PMPCA: variants seen among roughly 807,000 people sequenced by gnomAD.
PMPCA encodes peptidase, mitochondrial processing subunit alpha.
A neutral mutation model predicts 59.3 loss-of-function variants in PMPCA; 47 were observed. That is an observed-to-expected ratio of 0.79 (90% CI 0.63 to 1.01). The LOEUF (loss-of-function observed/expected upper bound fraction) is 1.01, where lower values mean the gene tolerates loss of function less well. PMPCA is among the 50% of genes least tolerant of loss of function. The pLI, the probability that PMPCA is intolerant of heterozygous loss-of-function variation, is 0.00. For missense variants in PMPCA, 726 were observed against 704.5 expected (o/e 1.03, Z -0.34); for synonymous variants, 338 against 290.3 (o/e 1.16, Z -1.67).
At chr9:136,412,323 A>G in intron 2 of PMPCA, 124 bp downstream of exon 2, 2 of 846,374 alleles carry the variant, frequency 2.4e-6, no homozygotes, top group East Asian at 4.9e-5. Context: ...AAAGTGTACG[A>G]TTTCATAAAT....
Position 136,412,586 on chromosome 9 carries a change from G to T in PMPCA, c.354+17G>T, listed in dbSNP as rs574771726. On this transcript the variant is annotated intron_variant, in intron 3 of 12. Transcript: ENST00000371717. Reference sequence around the variant, plus strand: ...GCATTTTCGGTCAGTACCCAGTTTTGTAATTTTTTAGACTATACTTTTGAA... The same window carrying T: ...GCATTTTCGGTCAGTACCCAGTTTTTTAATTTTTTAGACTATACTTTTGAA... 1.4e-6 allele frequency: 2 copies of T among 1,385,952 alleles called. No individual in the cohort carries two copies. Among genetic ancestry groups the T allele is most frequent in the African/African-American group, 1.4e-5 (1 of 70,158 alleles). The allele number at this position is 1,385,952 out of a possible 1,614,324, so 85.9% of individuals were successfully genotyped here. A position where few individuals can be genotyped will look rare whatever the true frequency, so the allele number is the denominator to read the frequency against.
Position 136,419,123 on chromosome 9 carries a change from G to A in PMPCA, c.1263+17G>A, listed in dbSNP as rs754295997. The A allele has an allele frequency of 8.7e-6, 14 of 1,605,978 alleles. No homozygotes were observed. The highest frequency in any genetic ancestry group is 1.6e-4 in the Middle Eastern group (1 of 6,070). The stretch of plus-strand genomic sequence containing the variant: ...GTGGACACGGTAAGTGCAGTGTGGC[G>A]CCATTTCCAGGCGTACCTGTGGTGT... On this transcript the variant is annotated intron_variant, in intron 11 of 12. Transcript: ENST00000371717.
rs73670257 is a variant in PMPCA, at chr9:136,411,878, C to T, written c.72-119C>T. ...CTTCCAAAGTCTGTAGAAATAAGTC[C>T]TGTAGAAAGGCAGATGCTCACTTTT... On this transcript the variant is annotated intron_variant, in intron 1 of 12. Coordinates refer to ENST00000371717, the MANE Select transcript of PMPCA (RefSeq NM_015160.3). 7,845 of 688,802 alleles carry T rather than the reference C, an allele frequency of 0.011. 460 individuals are homozygous for T. The African/African-American group carries it at 0.12, about 10-fold the overall frequency. 42.7% of individuals were successfully genotyped at this position (688,802 alleles called of 1,614,324 possible).
chr9:136,416,869 A>C, intron 6 of PMPCA, 82 bp from the exon 7 acceptor site: 2 of 1,354,490 alleles, frequency 1.5e-6, no homozygotes, highest in Non-Finnish European at 2.0e-6. Context: ...GGCTGGCTGC[A>C]GATGGGCGCT....
rs1030470943 is a variant in PMPCA at position 136,421,873 on chromosome 9, C to T, written c.1305C>T (p.Leu435=). The change falls in exon 12 of 13, where the codon CTC becomes CTT. Residue 435 remains leucine (L), a synonymous_variant. Transcript: ENST00000371717. The part of the protein sequence containing the change: ...ERAKTQLTSM[L]MMNLESRPVI... The stretch of plus-strand genomic sequence containing the variant: ...CCAAGACGCAGCTGACATCAATGCT[C>T]ATGATGAACCTGGAATCCAGGCCTG... The T allele has an allele frequency of 6.2e-7, 1 of 1,609,698 alleles. No homozygotes were observed. The highest frequency in any genetic ancestry group is 8.5e-7 in the Non-Finnish European group (1 of 1,178,228).
At position 136,410,695 on chromosome 9, in the gene PMPCA, G is replaced by C; in HGVS notation, c.27G>C (p.Thr9=). 2.8e-6 allele frequency: 4 copies of C among 1,415,894 alleles called. No homozygotes were observed. The highest frequency in any genetic ancestry group is 3.7e-6 in the Non-Finnish European group (4 of 1,086,652). 87.7% of individuals were successfully genotyped at this position (1,415,894 alleles called of 1,614,324 possible). A position where few individuals can be genotyped will look rare whatever the true frequency, so the allele number is the denominator to read the frequency against. The change falls in exon 1 of 13, where the codon ACG becomes ACC. Residue 9 remains threonine, a synonymous_variant. Coordinates refer to ENST00000371717, the MANE Select transcript of PMPCA (RefSeq NM_015160.3). ...TGGCGGCTGTGGTGCTGGCGGCGACGCGGTTGCTGCGGGGCTCGGGTTCTT... is the reference window on the plus strand; with the variant it reads ...TGGCGGCTGTGGTGCTGGCGGCGACCCGGTTGCTGCGGGGCTCGGGTTCTT... MAAVVLAA[T]RLLRGSGSWG...
intron 4 of PMPCA, among the ~76,000 whole-genome samples, chr9:136,413,126 T>G (rs1835181632): frequency 6.6e-6 from 1 of 152,220 alleles, no homozygotes; most frequent in African/African-American, 2.4e-5. Flanking sequence ...ATGCCAGGGA[T>G]GTAGAGCAGG....
In PMPCA at chr9:136,412,859, A is replaced by G. The variant is rs1835173852; in HGVS notation, c.404A>G (p.Lys135Arg). The G allele has an allele frequency of 6.2e-7, 1 of 1,609,358 alleles. No individual in the cohort carries two copies. ...GATGAAATTCTGCTTACGTTGGAAA[A>G]GCATGGGGGTATCTGTGACTGCCAG... The part of the protein sequence containing the change: ...SKDEILLTLE[K>R]HGGICDCQTS... The change falls in exon 4 of 13, where the codon AAG (lysine) becomes AGG (arginine). Residue 135 changes from lysine to arginine, a missense_variant. Lys to Arg is a conservative substitution (Grantham distance 26). Transcript: ENST00000371717.
At chr9:136,415,119 C>G (rs1835237559) in intron 5 of PMPCA, among the ~76,000 whole-genome samples, 1 of 152,072 alleles carries the variant, frequency 6.6e-6, no homozygotes, top group Non-Finnish European at 1.5e-5. Flanking sequence ...AGAAATAGTG[C>G]TAGTAGCCAG....
rs577436658 is a variant in PMPCA, at chr9:136,412,520, C to G, written c.305C>G (p.Ala102Gly). 1.3e-6 allele frequency: 2 copies of G among 1,596,422 alleles called. No individual in the cohort carries two copies. Among genetic ancestry groups the G allele is most frequent in the African/African-American group, 1.3e-5 (1 of 74,620 alleles). The change falls in exon 3 of 13, where the codon GCG becomes GGG. Residue 102 changes from alanine (A) to glycine (G), a missense_variant. Coordinates refer to ENST00000371717, the MANE Select transcript of PMPCA (RefSeq NM_015160.3). ...ILINSGSRYE[A>G]KYLSGIAHFL... ...ATCAATTCAGGATCGAGATATGAAG[C>G]GAAATACCTTAGTGGAATTGCTCAC...
Position 136,423,086 on chromosome 9 carries a change from C to A in PMPCA, c.1409-9C>A. On this transcript the variant is annotated splice_polypyrimidine_tract_variant and intron_variant, in intron 12 of 12. Coordinates refer to ENST00000371717, the MANE Select transcript of PMPCA (RefSeq NM_015160.3). ...CGCTCGTGTGACACGCGTTTGCCCTCTGCACTAGGCAACGTGAAGCCGGAA... is the reference window on the plus strand; with the variant it reads ...CGCTCGTGTGACACGCGTTTGCCCTATGCACTAGGCAACGTGAAGCCGGAA... 1 of 1,609,458 alleles carries A rather than the reference C, an allele frequency of 6.2e-7. No homozygotes were observed. The highest frequency in any genetic ancestry group is 1.1e-5 in the South Asian group (1 of 90,682).
At position 136,412,599 on chromosome 9, in the gene PMPCA, C is replaced by CT. The variant is rs1835165789; in HGVS notation, c.354+31dup. 3.4e-6 allele frequency: 4 copies of CT among 1,174,724 alleles called. No homozygotes were observed. In the East Asian group the frequency reaches 9.4e-5, roughly 27 times the overall value. The allele number at this position is 1,174,724 out of a possible 1,614,324, so 72.8% of individuals were successfully genotyped here. A position where few individuals can be genotyped will look rare whatever the true frequency, so the allele number is the denominator to read the frequency against. Reference sequence around the variant, plus strand: ...GTACCCAGTTTTGTAATTTTTTAGACTATACTTTTGAAGGATGTTTGAGAT... The same window carrying CT: ...GTACCCAGTTTTGTAATTTTTTAGACTTATACTTTTGAAGGATGTTTGAGAT... On this transcript the variant is annotated intron_variant, in intron 3 of 12. Transcript: ENST00000371717.
chr9:136,419,244 C>T (rs543664466), intron 11 of PMPCA, 138 bp downstream of exon 11: 46 of 844,988 alleles, frequency 5.4e-5, no homozygotes, highest in African/African-American at 2.2e-4. Context: ...CAGGGCAGGG[C>T]GGCCAAGGAG....
At position 136,418,662 on chromosome 9, in the gene PMPCA, C is replaced by T. The variant is rs149990397; in HGVS notation, c.1098C>T (p.Asn366=). ...GCATGTTCTCCAGGCTCTACCTCAA[C>T]GTGCTCAACAGGTGGGTTGCACTCT... ...GKGMFSRLYL[N]VLNRHHWMYN... is the part of the protein sequence containing the mutation. Residue 366 remains asparagine, a synonymous_variant, in exon 9 of 13, where the codon AAC becomes AAT. Transcript: ENST00000371717. 6.2e-5 allele frequency: 100 copies of T among 1,607,452 alleles called. 1 individual carries two copies. Among genetic ancestry groups the T allele is most frequent in the South Asian group, 2.9e-4 (26 of 90,954 alleles).
chr9:136,418,747 T>A, intron 9 of PMPCA, 74 bp downstream of exon 9: 1 of 1,499,804 alleles, frequency 6.7e-7, no homozygotes, highest in Admixed American at 1.7e-5. Context: ...TGAGGCCACC[T>A]TCCAGGTGAC....
At chr9:136,419,646 AAATTCG>A (rs1835391774) in intron 11 of PMPCA, 1 of 161,554 alleles carries the variant, frequency 6.2e-6, no homozygotes, top group African/African-American at 2.4e-5. Context: ...GCAGTAGCTC[AAATTCG>A]GCTCACTGCA....
chr9:136,410,834 C>T lies in PMPCA; in HGVS notation c.71+95C>T, dbSNP rs548117886. 29 of 1,076,872 alleles carry T rather than the reference C, an allele frequency of 2.7e-5. No individual in the cohort carries two copies. The African/African-American group carries it at 4.1e-4, about 15-fold the overall frequency. 66.7% of individuals were successfully genotyped at this position (1,076,872 alleles called of 1,614,324 possible). The stretch of plus-strand genomic sequence containing the variant: ...TCGGTTTCTACAGGTGACATGGCGC[C>T]CGTGGGACGGGCTCGCACTTCGGGA... On this transcript the variant is annotated intron_variant, in intron 1 of 12. Transcript: ENST00000371717.
chr9:136,412,154 C>T lies in PMPCA; in HGVS notation c.229C>T (p.Arg77Cys), dbSNP rs143416740. 9.0e-5 allele frequency: 146 copies of T among 1,613,884 alleles called. No homozygotes were observed. Among genetic ancestry groups the T allele is most frequent in the Non-Finnish European group, 3.2e-5 (38 of 1,179,940 alleles). The change falls in exon 2 of 13, where the codon CGC (arginine) becomes TGC (cysteine). Residue 77 changes from arginine (R) to cysteine (C), a missense_variant. Coordinates refer to ENST00000371717, the MANE Select transcript of PMPCA (RefSeq NM_015160.3). The stretch of plus-strand genomic sequence containing the variant: ...AGTAACCACATTGGATAATGGGCTT[C>T]GCGTGGCATCTCAGAATAAGTTTGG... ...TKVTTLDNGLRVASQNKFGQF... is the reference protein window; with the variant it reads ...TKVTTLDNGLCVASQNKFGQF...
chr9:136,410,902 G>T (rs1288189757), intron 1 of PMPCA, among the ~76,000 whole-genome samples, 163 bp downstream of exon 1: 1 of 152,240 alleles, frequency 6.6e-6, no homozygotes, highest in African/African-American at 2.4e-5. Flanking sequence ...CTTGCTTTGC[G>T]CCTCGAGCCC....
Sources: gnomAD v4.1 joint callset for allele counts (sites outside exome capture counted in the v4.1 genomes callset) on GRCh38, gnomAD v4.1.1 for gene constraint, MANE v1.5 for transcripts, NCBI Gene and HGNC (gene_info 2026-07-23, HGNC 2026-07-21) for gene names.